Variants in CDCA7L observed in about 807,000 individuals in gnomAD.
CDCA7L encodes the protein cell division cycle associated 7 like.
CDCA7L carries 44 observed loss-of-function variants against 57.4 expected under a neutral mutation model. The observed-to-expected ratio is 0.77, with a 90% CI of 0.60 to 0.98. The LOEUF (loss-of-function observed/expected upper bound fraction) is 0.98, where lower values mean the gene tolerates loss of function less well. Among genes scored for constraint, CDCA7L ranks in the 50% least tolerant of loss-of-function variants. The pLI is 0.00. For synonymous variants in CDCA7L, 236 were observed against 202.8 expected (o/e 1.16, Z -1.39); for missense variants, 644 against 580.6 (o/e 1.11, Z -1.12).
chr7:21,937,892 T>A (rs753274590), intron 1 of CDCA7L, among the ~76,000 whole-genome samples: 3 of 152,190 alleles, frequency 2.0e-5, no homozygotes, highest in Non-Finnish European at 2.9e-5. Flanking sequence ...TGGATTAGGT[T>A]GGACCCTTAC....
chr7:21,940,390 C>G (rs1175252226), intron 1 of CDCA7L: 1 of 675,418 alleles, frequency 1.5e-6, no homozygotes, highest in Non-Finnish European at 1.8e-6. Context: ...GCCCTTCCAT[C>G]CATTCAATGG....
intron 3 of CDCA7L, among the ~76,000 whole-genome samples, chr7:21,908,948 G>A (rs1785229386): frequency 6.6e-6 from 1 of 152,200 alleles, no homozygotes; most frequent in African/African-American, 2.4e-5. Context: ...GCAGGAACCA[G>A]ACTCCTGAAT....
intron 3 of CDCA7L, among the ~76,000 whole-genome samples, chr7:21,909,247 T>C (rs546343618): frequency 6.6e-5 from 10 of 152,272 alleles, no homozygotes; most frequent in South Asian, 2.1e-4. Context: ...GTAACAGGGA[T>C]ACATCACCTA....
chr7:21,911,241 G>A (rs915636490), intron 3 of CDCA7L, among the ~76,000 whole-genome samples: 4 of 151,632 alleles, frequency 2.6e-5, no homozygotes, highest in African/African-American at 9.7e-5. Flanking sequence ...TATCGGTGAG[G>A]CTGGTCTTGA....
chr7:21,903,090 C>G lies in CDCA7L; in HGVS notation c.1222G>C (p.Gly408Arg). The G allele has an allele frequency of 6.2e-7, 1 of 1,613,944 alleles. No individual in the cohort carries two copies. The highest frequency in any genetic ancestry group is 8.5e-7 in the Non-Finnish European group (1 of 1,179,968). Residue 408 changes from glycine to arginine, a missense_variant, in exon 9 of 10, where the codon GGG becomes CGG. Coordinates refer to ENST00000406877, the MANE Select transcript of CDCA7L (RefSeq NM_018719.5). ...CGACAGTAGCTGCAATTGCAGATCC[C>G]ACGACAGGGGGGACACACCCAATCC... The part of the protein sequence containing the change: ...DPDWVCPPCR[G>R]ICNCSYCRKR...
At chr7:21,942,355 C>CA (rs566222792) in intron 1 of CDCA7L, among the ~76,000 whole-genome samples, 46 of 152,156 alleles carry the variant, frequency 3.0e-4, no homozygotes, top group African/African-American at 9.6e-4. Context: ...GGTCCTATTT[C>CA]AAAAAAACTA....
rs1481136827 is a variant in CDCA7L, at chr7:21,902,139, C to T, written c.*183G>A. ...GCATACATCTATATAGATTCCTCTG[C>T]TCTGCTGTCTTCCTGAGAAATCTTT... is the stretch of plus-strand genomic sequence containing the variant. On this transcript the variant is annotated 3_prime_UTR_variant, in exon 10 of 10. Coordinates refer to ENST00000406877, the MANE Select transcript of CDCA7L (RefSeq NM_018719.5). The T allele has an allele frequency of 1.5e-6, 1 of 646,870 alleles. No individual in the cohort carries two copies. Among genetic ancestry groups the T allele is most frequent in the African/African-American group, 1.8e-5 (1 of 54,478 alleles). 40.1% of individuals were successfully genotyped at this position (646,870 alleles called of 1,614,324 possible).
At chr7:21,932,057 T>C (rs1786035318) in intron 1 of CDCA7L, among the ~76,000 whole-genome samples, 1 of 152,114 alleles carries the variant, frequency 6.6e-6, no homozygotes, top group South Asian at 2.1e-4. Context: ...TTACAATTGC[T>C]ACAAAGAGAA....
intron 1 of CDCA7L, among the ~76,000 whole-genome samples, chr7:21,923,871 G>C (rs572516861): frequency 6.6e-6 from 1 of 152,196 alleles, no homozygotes; most frequent in Non-Finnish European, 1.5e-5. Flanking sequence ...CTGGCTTCTC[G>C]TTGAGTAGGT....
chr7:21,936,383 C>G (rs9692388), intron 1 of CDCA7L, among the ~76,000 whole-genome samples: 66,744 of 152,010 alleles, frequency 0.44, 15,528 homozygotes, highest in Non-Finnish European at 0.52. Context: ...GAAAACTATA[C>G]AGCCATATCT....
chr7:21,903,755 C>T, intron 8 of CDCA7L: 2 of 195,628 alleles, frequency 1.0e-5, no homozygotes, highest in Non-Finnish European at 2.1e-5. Context: ...CTCTATACTG[C>T]AATCTCCACC....
At chr7:21,907,852 T>C (rs894927598) in intron 4 of CDCA7L, among the ~76,000 whole-genome samples, 1 of 152,162 alleles carries the variant, frequency 6.6e-6, no homozygotes, top group Non-Finnish European at 1.5e-5. Flanking sequence ...AACTATATAC[T>C]TAGAACTTAG....
intron 1 of CDCA7L, among the ~76,000 whole-genome samples, chr7:21,921,625 T>C (rs1347477193): frequency 6.6e-6 from 1 of 151,150 alleles, no homozygotes; most frequent in Non-Finnish European, 1.5e-5. Context: ...TTGTGTTCCA[T>C]TCTATTACAA....
Position 21,901,304 on chromosome 7 carries a change from C to G in CDCA7L, c.*1018G>C. The G allele has an allele frequency of 2.6e-6, 4 of 1,549,402 alleles. No homozygotes were observed. Among genetic ancestry groups the G allele is most frequent in the Non-Finnish European group, 3.5e-6 (4 of 1,149,164 alleles). ...TCTGCTGGAGTGCAGTGAGGATTTT[C>G]TAGCATGTTGCTGCACTGTTCCCAT... On this transcript the variant is annotated 3_prime_UTR_variant, in exon 10 of 10. Coordinates refer to ENST00000406877, the MANE Select transcript of CDCA7L (RefSeq NM_018719.5).
intron 3 of CDCA7L, among the ~76,000 whole-genome samples, chr7:21,910,723 G>A (rs1262520344): frequency 6.6e-6 from 1 of 152,184 alleles, no homozygotes; most frequent in Non-Finnish European, 1.5e-5. Context: ...TAACTGTGCA[G>A]GATAAAACAA....
At chr7:21,920,311 G>C (rs1478598487) in intron 1 of CDCA7L, among the ~76,000 whole-genome samples, 1 of 152,204 alleles carries the variant, frequency 6.6e-6, no homozygotes, top group Non-Finnish European at 1.5e-5. Flanking sequence ...GTATTCAAAA[G>C]CTACTTAGCT....
In CDCA7L at chr7:21,936,793, G is replaced by A. The variant is rs369545502; in HGVS notation, c.24+8988C>T. Among the ~76,000 whole-genome samples the A allele has an allele frequency of 3.6e-4, 55 of 152,282 alleles. No individual in the cohort carries two copies. In the South Asian group the frequency reaches 6.2e-3, roughly 17 times the overall value. ...CCTGCTTTTACCACTTCTATTCAAC[G>A]CAGTATTGGGAGGTCTAGCCAGACC... is the stretch of plus-strand genomic sequence containing the variant. On this transcript the variant is annotated intron_variant, in intron 1 of 9. Coordinates refer to ENST00000406877, the MANE Select transcript of CDCA7L (RefSeq NM_018719.5).
intron 9 of CDCA7L, 174 bp from the exon 10 acceptor site, chr7:21,902,526 C>CCCAAGCATG (rs1353486557): frequency 1.6e-6 from 1 of 633,924 alleles, no homozygotes; most frequent in Non-Finnish European, 2.8e-6. Context: ...TGTAGTACGC[C>CCCAAGCATG]CCAAGCATGA....
rs142190400 is a variant in CDCA7L at position 21,927,839 on chromosome 7, C to T, written c.25-10945G>A. ...AGTCAGGGGTTTACAGATAAAACCC[C>T]CATCTCCCTGGGACAGAGCACCTGG... On this transcript the variant is annotated intron_variant, in intron 1 of 9. Transcript: ENST00000406877. Among the ~76,000 whole-genome samples the T allele has an allele frequency of 3.6e-3, 553 of 152,338 alleles. 5 individuals carry two copies. Among genetic ancestry groups the T allele is most frequent in the Admixed American group, 5.9e-3 (91 of 15,306 alleles).
Sources: gnomAD v4.1 joint callset for allele counts (sites outside exome capture counted in the v4.1 genomes callset) on GRCh38, gnomAD v4.1.1 for gene constraint, MANE v1.5 for transcripts, NCBI Gene and HGNC (gene_info 2026-07-23, HGNC 2026-07-21) for gene names.